GREB1L: variants seen among roughly 807,000 people sequenced by gnomAD.
GREB1L encodes GREB1-like protein.
In GREB1L, 17 loss-of-function variants were observed where a neutral mutation model predicts 200.8. That is an observed-to-expected ratio of 0.08 (90% CI 0.06 to 0.13). GREB1L has a LOEUF of 0.13. Among genes scored for constraint, GREB1L ranks in the 10% least tolerant of loss-of-function variants. The probability of loss-of-function intolerance (pLI) is 1.00; values close to 1 mark genes in which losing one functional copy is unlikely to be tolerated. For synonymous variants in GREB1L, 789 were observed against 893.0 expected, an observed-to-expected ratio of 0.88 and a Z score of 2.08; for missense variants, 1,657 against 2,367.7, an observed-to-expected ratio of 0.70 and a Z score of 6.23.
intron 1 of GREB1L, among the ~76,000 whole-genome samples, chr18:21,319,528 A>C (rs1240924920): frequency 6.6e-6 from 1 of 152,270 alleles, no homozygotes; most frequent in Non-Finnish European, 1.5e-5. Flanking sequence ...AATTAGCTGG[A>C]TAGAATTTCC....
At chr18:21,407,273 A>G (rs973553301) in intron 7 of GREB1L, among the ~76,000 whole-genome samples, 4 of 152,182 alleles carry the variant, frequency 2.6e-5, no homozygotes, top group Non-Finnish European at 4.4e-5. Context: ...ATTTTTATCT[A>G]TCTGCATTAT....
chr18:21,362,732 C>A (rs1456170175), intron 1 of GREB1L, among the ~76,000 whole-genome samples: 1 of 152,116 alleles, frequency 6.6e-6, no homozygotes, highest in Non-Finnish European at 1.5e-5. Flanking sequence ...CGAAATTTCC[C>A]CTTCACTGTA....
intron 11 of GREB1L, among the ~76,000 whole-genome samples, chr18:21,445,063 A>G (rs1449404761): frequency 6.6e-6 from 1 of 152,244 alleles, no homozygotes; most frequent in Admixed American, 6.5e-5. Flanking sequence ...GTGCCCTGAC[A>G]ATACTAGAGT....
At chr18:21,443,968 G>T (rs78996551) in intron 10 of GREB1L, among the ~76,000 whole-genome samples, 2,738 of 152,298 alleles carry the variant, frequency 0.018, 76 homozygotes, top group African/African-American at 0.063. Context: ...TCAGTCCACG[G>T]TTGATTGAAC....
Position 21,440,273 on chromosome 18 carries a change from C to G in GREB1L, c.954C>G (p.Thr318=), listed in dbSNP as rs1458625758. 6 of 1,551,266 alleles carry G rather than the reference C, an allele frequency of 3.9e-6. No homozygotes were observed. Among genetic ancestry groups the G allele is most frequent in the South Asian group, 1.2e-5 (1 of 84,022 alleles). Residue 318 remains threonine (T), a synonymous_variant, in exon 9 of 33, where the codon ACC becomes ACG. Transcript: ENST00000424526. The part of the protein sequence containing the change: ...RPSYASGDQA[T]MFISGPPKKR... The stretch of plus-strand genomic sequence containing the variant: ...TGTTTTTTTGTTTGTCTTCAGCTAC[C>G]ATGTTCATTTCTGGGCCACCAAAGA...
intron 3 of GREB1L, 36 bp downstream of exon 3, chr18:21,383,711 T>G (rs2040419558): frequency 1.6e-5 from 25 of 1,543,052 alleles, no homozygotes; most frequent in Non-Finnish European, 2.1e-5. Flanking sequence ...CTGGATTCTT[T>G]TTTTTTGTTT....
In GREB1L at chr18:21,370,796, C is replaced by T. The variant is rs138751284; in HGVS notation, c.-10+4660C>T. ...CACATGTAGCTATTTAAATTAATTA[C>T]TGCTGGGCGCAGTGGCTCACGCCTA... On this transcript the variant is annotated intron_variant, in intron 2 of 32. Coordinates refer to ENST00000424526, the MANE Select transcript of GREB1L (RefSeq NM_001142966.3). Among the ~76,000 whole-genome samples the T allele has an allele frequency of 2.8e-3, 423 of 152,300 alleles. 3 individuals are homozygous for T. Among genetic ancestry groups the T allele is most frequent in the African/African-American group, 9.8e-3 (406 of 41,570 alleles).
chr18:21,358,949 G>A lies in GREB1L; in HGVS notation c.-119-7078G>A, dbSNP rs1262288747. Among the ~76,000 whole-genome samples the A allele has an allele frequency of 5.3e-5, 8 of 152,302 alleles. No homozygotes were observed. The South Asian group carries it at 8.3e-4, about 16-fold the overall frequency. On this transcript the variant is annotated intron_variant, in intron 1 of 32. Transcript: ENST00000424526. The stretch of plus-strand genomic sequence containing the variant: ...AATTCGTTTATTAGTTCTAACAATT[G>A]TTTGGTGGAATCTTAAGGTTTTCTA...
intron 15 of GREB1L, among the ~76,000 whole-genome samples, chr18:21,462,995 C>T (rs889153437): frequency 3.9e-5 from 6 of 151,996 alleles, no homozygotes; most frequent in African/African-American, 1.5e-4. Context: ...GTTAATGTGA[C>T]ATATCCTATG....
chr18:21,380,404 C>T (rs892366952), intron 2 of GREB1L: 7 of 152,152 alleles, frequency 4.6e-5, no homozygotes, highest in African/African-American at 1.7e-4. Context: ...AACCAGTCCT[C>T]CAGGGACTCT....
In GREB1L at chr18:21,518,056, T is replaced by G. The variant is rs1391348691; in HGVS notation, c.5294T>G (p.Ile1765Ser). ...KIMVSESLAP[I>S]LPLQYICAPD... Reference sequence around the variant, plus strand: ...CAGGTGTCAGAGAGCTTAGCACCCATCTTGCCCCTTCAATACATCTGTGCT... The same window carrying G: ...CAGGTGTCAGAGAGCTTAGCACCCAGCTTGCCCCTTCAATACATCTGTGCT... Residue 1765 changes from isoleucine (I) to serine (S), a missense_variant, in exon 31 of 33, where the codon ATC (isoleucine) becomes AGC (serine). By Grantham distance (142) the Ile-to-Ser change is moderately radical. Transcript: ENST00000424526. 1 of 1,551,602 alleles carries G rather than the reference T, an allele frequency of 6.4e-7. No individual in the cohort carries two copies. Among genetic ancestry groups the G allele is most frequent in the Admixed American group, 2.0e-5 (1 of 50,996 alleles).
At chr18:21,287,798 T>C (rs1408922434) in intron 1 of GREB1L, among the ~76,000 whole-genome samples, 4 of 151,056 alleles carry the variant, frequency 2.6e-5, no homozygotes, top group Non-Finnish European at 5.9e-5. Flanking sequence ...AAAATCTTTT[T>C]TTTTTTTTTT....
At chr18:21,395,900 TTG>T (rs1292483403) in intron 5 of GREB1L, among the ~76,000 whole-genome samples, 1 of 151,174 alleles carries the variant, frequency 6.6e-6, no homozygotes, top group African/African-American at 2.4e-5. Context: ...CAGCTAATTT[TTG>T]TGTTTTTAGT....
chr18:21,340,856 T>C (rs1360548235), intron 1 of GREB1L, among the ~76,000 whole-genome samples: 2 of 152,206 alleles, frequency 1.3e-5, no homozygotes, highest in Admixed American at 6.5e-5. Flanking sequence ...AACCAAGATG[T>C]TAATAATATA....
At chr18:21,486,295 A>C (rs1177818678) in intron 18 of GREB1L, among the ~76,000 whole-genome samples, 1 of 151,164 alleles carries the variant, frequency 6.6e-6, no homozygotes, top group African/African-American at 2.4e-5. Flanking sequence ...TGGAGCTTGC[A>C]GTGAGCCGAG....
Position 21,449,512 on chromosome 18 carries a change from C to G in GREB1L, c.1396C>G (p.Pro466Ala), listed in dbSNP as rs539774838. 7 of 1,526,656 alleles carry G rather than the reference C, an allele frequency of 4.6e-6. No individual in the cohort carries two copies. In the South Asian group the frequency reaches 8.7e-5, roughly 19 times the overall value. 94.6% of individuals were successfully genotyped at this position (1,526,656 alleles called of 1,614,324 possible). A position where few individuals can be genotyped will look rare whatever the true frequency, so the allele number is the denominator to read the frequency against. The change falls in exon 12 of 33, where the codon CCT becomes GCT. Residue 466 changes from proline (P) to alanine (A), a missense_variant and splice_region_variant. By Grantham distance (27) the Pro-to-Ala change is conservative. Around this residue, in one of 9 missense-constraint regions of GREB1L, gnomAD observed 289 missense variants for 345.1 expected, o/e 0.84. Coordinates refer to ENST00000424526, the MANE Select transcript of GREB1L (RefSeq NM_001142966.3). The part of the protein sequence containing the change: ...LTIQYLVRLG[P>A]DQVPLREEFE... ...AGCTGTAATTCTCTTCTATATAGGT[C>G]CTGATCAGGTACCTCTCAGGGAAGA...
intron 19 of GREB1L, among the ~76,000 whole-genome samples, chr18:21,493,346 T>C (rs1034871222): frequency 6.6e-5 from 10 of 152,238 alleles, no homozygotes; most frequent in African/African-American, 2.4e-4. Flanking sequence ...TTTCATTAGA[T>C]GTCCTTGTTC....
At chr18:21,365,096 T>C (rs944630794) in intron 1 of GREB1L, among the ~76,000 whole-genome samples, 1 of 152,148 alleles carries the variant, frequency 6.6e-6, no homozygotes, top group Non-Finnish European at 1.5e-5. Context: ...GATAAATATT[T>C]TTATTCGAAA....
At chr18:21,498,135 T>G (rs2036627078) in intron 21 of GREB1L, among the ~76,000 whole-genome samples, 2 of 152,106 alleles carry the variant, frequency 1.3e-5, no homozygotes, top group Non-Finnish European at 2.9e-5. Context: ...CACCCTTTTT[T>G]TGAGCTATCA....
Sources: allele counts gnomAD v4.1 joint callset (sites outside exome capture counted in the v4.1 genomes callset), GRCh38; gene constraint gnomAD v4.1.1; regional missense constraint gnomAD v4.1.1; transcripts MANE v1.5; gene names NCBI Gene and HGNC (gene_info 2026-07-23, HGNC 2026-07-21).